The following DOK6 variants were observed in gnomAD, a reference collection of about 807,000 sequenced individuals.
The protein encoded by DOK6 is downstream of tyrosine kinase 6.
DOK6 carries 22 observed loss-of-function variants against 44.0 expected under a neutral mutation model. The ratio of observed to expected loss-of-function variants is 0.50; its 90% CI spans 0.36 to 0.71. The LOEUF is 0.71. Among genes scored for constraint, DOK6 ranks in the 30% least tolerant of loss-of-function variants. The probability of loss-of-function intolerance (pLI) is 0.00; values close to 1 mark genes in which losing one functional copy is unlikely to be tolerated. For missense variants in DOK6, 340 were observed against 416.4 expected, an observed-to-expected ratio of 0.82 and a Z score of 1.60; for synonymous variants, 166 against 145.5, an observed-to-expected ratio of 1.14 and a Z score of -1.01.
At chr18:69,840,860 G>C (rs1982197014) in intron 7 of DOK6, among the ~76,000 whole-genome samples, 1 of 152,214 alleles carries the variant, frequency 6.6e-6, no homozygotes, top group Non-Finnish European at 1.5e-5. Context: ...TAAAGGAAAA[G>C]AAAGCAGCTT....
At chr18:69,796,983 C>A (rs1348248977) in intron 7 of DOK6, among the ~76,000 whole-genome samples, 1 of 152,144 alleles carries the variant, frequency 6.6e-6, no homozygotes, top group Non-Finnish European at 1.5e-5. Context: ...ACTGACTAAG[C>A]TGGACTGTAG....
intron 3 of DOK6, among the ~76,000 whole-genome samples, chr18:69,624,271 T>A (rs931755139): frequency 6.6e-6 from 1 of 152,180 alleles, no homozygotes; most frequent in Non-Finnish European, 1.5e-5. Flanking sequence ...CATCTGATTG[T>A]GCCAAATAGA....
chr18:69,549,403 A>G (rs17188953), intron 1 of DOK6, among the ~76,000 whole-genome samples: 14,082 of 151,432 alleles, frequency 0.093, 1,175 homozygotes, highest in South Asian at 0.17. Context: ...CATTCTTACT[A>G]TCATAATGAT....
chr18:69,682,793 AG>A (rs1350553868), intron 4 of DOK6, among the ~76,000 whole-genome samples: 1 of 152,240 alleles, frequency 6.6e-6, no homozygotes, highest in Non-Finnish European at 1.5e-5. Context: ...TAAAAACAAA[AG>A]GAAAGTACTG....
intron 7 of DOK6, among the ~76,000 whole-genome samples, chr18:69,811,970 G>A (rs2145116519): frequency 6.6e-6 from 1 of 152,160 alleles, no homozygotes; most frequent in East Asian, 1.9e-4. Flanking sequence ...TGCCTTCATG[G>A]AGATATATTT....
At chr18:69,585,537 C>G (rs1983478772) in intron 2 of DOK6, among the ~76,000 whole-genome samples, 1 of 152,142 alleles carries the variant, frequency 6.6e-6, no homozygotes, top group Non-Finnish European at 1.5e-5. Flanking sequence ...ATATAACTTC[C>G]ATATCTTTGC....
At chr18:69,437,035 C>A (rs1979000306) in intron 1 of DOK6, among the ~76,000 whole-genome samples, 1 of 151,998 alleles carries the variant, frequency 6.6e-6, no homozygotes, top group South Asian at 2.1e-4. Context: ...TGTTCAAGTT[C>A]TTTGTAGATT....
rs571807346 is a variant in DOK6, at chr18:69,691,338, T to G, written c.410-7066T>G. Among the ~76,000 whole-genome samples the G allele has an allele frequency of 5.8e-4, 88 of 152,166 alleles. 1 individual carries two copies. Among genetic ancestry groups the G allele is most frequent in the Middle Eastern group, 3.4e-3 (1 of 294 alleles). ...TAAGAGAGACATAAAGATAATTCAT[T>G]GAAAGTCTTTTATAGGAGAAGGGCA... On this transcript the variant is annotated intron_variant, in intron 4 of 7. Coordinates refer to ENST00000382713, the MANE Select transcript of DOK6 (RefSeq NM_152721.6).
chr18:69,444,663 A>C (rs1439315829), intron 1 of DOK6, among the ~76,000 whole-genome samples: 1 of 92,256 alleles, frequency 1.1e-5, no homozygotes, highest in African/African-American at 4.3e-5. Context: ...TTTTTTTTTG[A>C]GACAGAATCT....
intron 1 of DOK6, among the ~76,000 whole-genome samples, chr18:69,525,277 A>G (rs1163678693): frequency 1.3e-5 from 2 of 152,032 alleles, no homozygotes; most frequent in East Asian, 3.9e-4. Context: ...TCTATTCTAA[A>G]CATTTAGATT....
At chr18:69,764,026 G>A (rs1004168139) in intron 7 of DOK6, among the ~76,000 whole-genome samples, 26 of 152,104 alleles carry the variant, frequency 1.7e-4, no homozygotes, top group African/African-American at 3.4e-4. Context: ...ATGCTCTTGC[G>A]CAAGGTGAGG....
chr18:69,811,595 C>T (rs1368573545), intron 7 of DOK6, among the ~76,000 whole-genome samples: 2 of 135,836 alleles, frequency 1.5e-5, no homozygotes, highest in African/African-American at 5.9e-5. Flanking sequence ...CTACGTTGTA[C>T]ACAATCAATA....
chr18:69,606,636 A>G (rs2144627221), intron 3 of DOK6, among the ~76,000 whole-genome samples: 1 of 152,076 alleles, frequency 6.6e-6, no homozygotes, highest in East Asian at 1.9e-4. Flanking sequence ...ACATGTAGAA[A>G]CCCTAAGACT....
At chr18:69,760,219 C>T (rs1979500177) in intron 7 of DOK6, among the ~76,000 whole-genome samples, 1 of 152,004 alleles carries the variant, frequency 6.6e-6, no homozygotes, top group Admixed American at 6.6e-5. Context: ...AGGTGCTAGT[C>T]CCTAATGGAA....
rs1433043758 is a variant in DOK6, at chr18:69,523,887, C to T, written c.67-40600C>T. Among the ~76,000 whole-genome samples the T allele has an allele frequency of 5.9e-5, 9 of 151,950 alleles. No individual in the cohort carries two copies. The South Asian group carries it at 1.7e-3, about 28-fold the overall frequency. On this transcript the variant is annotated intron_variant, in intron 1 of 7. Coordinates refer to ENST00000382713, the MANE Select transcript of DOK6 (RefSeq NM_152721.6). ...ACAGAGAATGCATGAACATCATCTA[C>T]AAATGCATTCTCAGAGCATGATCTA...
chr18:69,634,143 AAATT>A (rs1051226351), intron 3 of DOK6, among the ~76,000 whole-genome samples: 2 of 152,128 alleles, frequency 1.3e-5, no homozygotes, highest in Admixed American at 1.3e-4. Context: ...TCTGAAAATG[AAATT>A]AATTGACTTG....
At chr18:69,623,765 T>G (rs1251307986) in intron 3 of DOK6, among the ~76,000 whole-genome samples, 1 of 152,226 alleles carries the variant, frequency 6.6e-6, no homozygotes, top group Non-Finnish European at 1.5e-5. Context: ...TATAATGTCA[T>G]TATTTTCATT....
chr18:69,441,276 T>G (rs1294699968), intron 1 of DOK6, among the ~76,000 whole-genome samples: 1 of 152,154 alleles, frequency 6.6e-6, no homozygotes, highest in Admixed American at 6.5e-5. Context: ...TATGAGTACT[T>G]AATTTTTGAA....
chr18:69,800,612 A>G (rs1415004177), intron 7 of DOK6, among the ~76,000 whole-genome samples: 1 of 152,144 alleles, frequency 6.6e-6, no homozygotes, highest in Non-Finnish European at 1.5e-5. Flanking sequence ...CAGTTCTATA[A>G]TAGTTTCAGA....
Sources: allele counts gnomAD v4.1 joint callset (sites outside exome capture counted in the v4.1 genomes callset), GRCh38; gene constraint gnomAD v4.1.1; transcripts MANE v1.5; gene names NCBI Gene and HGNC (gene_info 2026-07-23, HGNC 2026-07-21).